MECOM: variants seen among roughly 807,000 people sequenced by gnomAD.
MECOM encodes the protein histone-lysine N-methyltransferase MECOM.
MECOM carries 13 observed loss-of-function variants against 116.3 expected under a neutral mutation model. The ratio of observed to expected loss-of-function variants is 0.11; its 90% CI spans 0.07 to 0.18. The LOEUF (loss-of-function observed/expected upper bound fraction) is 0.18, where lower values mean the gene tolerates loss of function less well. Among genes scored for constraint, MECOM ranks in the 10% least tolerant of loss-of-function variants. The probability of loss-of-function intolerance (pLI) is 1.00; values close to 1 mark genes in which losing one functional copy is unlikely to be tolerated. For synonymous variants in MECOM, 528 were observed against 535.2 expected (o/e 0.99, Z 0.19); for missense variants, 1,299 against 1,509.0 (o/e 0.86, Z 2.31).
At chr3:169,322,790 G>C (rs1039496371) in intron 2 of MECOM, among the ~76,000 whole-genome samples, 1 of 151,794 alleles carries the variant, frequency 6.6e-6, no homozygotes, top group East Asian at 1.9e-4. Flanking sequence ...CTGAGGTCAG[G>C]AGTTCAAGAC....
intron 3 of MECOM, chr3:169,133,966 A>G: frequency 7.8e-7 from 1 of 1,289,256 alleles, no homozygotes; most frequent in South Asian, 1.2e-5. Flanking sequence ...TTCCAACAAC[A>G]TGTTGACATT....
At chr3:169,279,818 G>A (rs1161150633) in intron 2 of MECOM, among the ~76,000 whole-genome samples, 1 of 152,108 alleles carries the variant, frequency 6.6e-6, no homozygotes, top group Non-Finnish European at 1.5e-5. Flanking sequence ...GAATACTGAT[G>A]TTCTAACAGA....
At chr3:169,191,772 AAG>A (rs1559974017) in intron 2 of MECOM, among the ~76,000 whole-genome samples, 1 of 135,464 alleles carries the variant, frequency 7.4e-6, no homozygotes, top group Non-Finnish European at 1.6e-5. Flanking sequence ...GAAAGAAAGA[AAG>A]AAAGAAAGAA....
At chr3:169,656,032 C>A (rs1354320191) in intron 1 of MECOM, among the ~76,000 whole-genome samples, 1 of 152,174 alleles carries the variant, frequency 6.6e-6, no homozygotes, top group East Asian at 1.9e-4. Flanking sequence ...CAGATTCAAA[C>A]ACTGATGTGC....
chr3:169,242,760 TC>T (rs1301060219), intron 2 of MECOM, among the ~76,000 whole-genome samples: 1 of 152,166 alleles, frequency 6.6e-6, no homozygotes, highest in East Asian at 1.9e-4. Context: ...TGGTAGGTTA[TC>T]TTTTCCTTGT....
chr3:169,297,713 T>G (rs1013711769), intron 2 of MECOM, among the ~76,000 whole-genome samples: 1 of 152,188 alleles, frequency 6.6e-6, no homozygotes, highest in Non-Finnish European at 1.5e-5. Flanking sequence ...TCAGCTTAGC[T>G]TAAGAGGAAA....
At chr3:169,365,319 T>G (rs950291067) in intron 2 of MECOM, among the ~76,000 whole-genome samples, 2 of 152,116 alleles carry the variant, frequency 1.3e-5, no homozygotes, top group Admixed American at 6.6e-5. Flanking sequence ...TCATATGATG[T>G]TTAATCTTTA....
intron 2 of MECOM, among the ~76,000 whole-genome samples, chr3:169,287,223 C>T (rs768758242): frequency 1.3e-5 from 2 of 152,186 alleles, no homozygotes; most frequent in Non-Finnish European, 2.9e-5. Flanking sequence ...CCAGGAAACA[C>T]GGATGGAGAG....
chr3:169,483,202 A>ATTTTTT (rs200735642), intron 1 of MECOM, among the ~76,000 whole-genome samples: 8 of 102,992 alleles, frequency 7.8e-5, no homozygotes, highest in Admixed American at 2.1e-4. Context: ...TTTTATTTTT[A>ATTTTTT]TTTTTTTTTT....
chr3:169,410,733 T>A (rs142469727), intron 1 of MECOM, among the ~76,000 whole-genome samples: 1 of 152,116 alleles, frequency 6.6e-6, no homozygotes, highest in African/African-American at 2.4e-5. Flanking sequence ...TTGACGCCTA[T>A]CAAAACACAG....
intron 9 of MECOM, 108 bp downstream of exon 9, chr3:169,112,679 T>C: frequency 1.2e-6 from 1 of 840,900 alleles, no homozygotes; most frequent in Non-Finnish European, 1.9e-6. Context: ...CACACCAGCG[T>C]CATAGGAAAT....
intron 1 of MECOM, among the ~76,000 whole-genome samples, chr3:169,649,965 T>G (rs1367061921): frequency 6.6e-6 from 1 of 152,246 alleles, no homozygotes; most frequent in African/African-American, 2.4e-5. Context: ...TTATTCCATT[T>G]TTGTAACCTT....
intron 16 of MECOM, among the ~76,000 whole-genome samples, chr3:169,087,422 C>T (rs73166180): frequency 0.1 from 15,846 of 151,850 alleles, 1,151 homozygotes; most frequent in South Asian, 0.27. Flanking sequence ...CATAGTGAAA[C>T]CCCATCTCTA....
At chr3:169,274,316 G>A (rs542928352) in intron 2 of MECOM, among the ~76,000 whole-genome samples, 25 of 152,250 alleles carry the variant, frequency 1.6e-4, no homozygotes, top group African/African-American at 5.5e-4. Flanking sequence ...CTTGTTTTAC[G>A]TGATAATGTA....
intron 3 of MECOM, chr3:169,131,973 G>C (rs1269055921): frequency 1.0e-6 from 1 of 993,640 alleles, no homozygotes; most frequent in East Asian, 1.1e-4. Context: ...TGCAAAAGTA[G>C]CGCCTTCTCA....
At chr3:169,350,098 A>G (rs1476026909) in intron 2 of MECOM, among the ~76,000 whole-genome samples, 1 of 152,026 alleles carries the variant, frequency 6.6e-6, no homozygotes, top group East Asian at 1.9e-4. Flanking sequence ...TTCAACATTC[A>G]AAGTTTCAAG....
intron 2 of MECOM, among the ~76,000 whole-genome samples, chr3:169,243,994 G>A (rs1332107135): frequency 1.3e-5 from 2 of 152,154 alleles, no homozygotes; most frequent in African/African-American, 4.8e-5. Context: ...CAAGGCTTCT[G>A]CAAACCTGCC....
intron 12 of MECOM, among the ~76,000 whole-genome samples, chr3:169,097,234 G>A (rs976802296): frequency 6.6e-6 from 1 of 151,664 alleles, no homozygotes; most frequent in Non-Finnish European, 1.5e-5. Flanking sequence ...GCACACAAAG[G>A]GTCTTTTCCA....
chr3:169,204,748 C>A (rs1217081836), intron 2 of MECOM, among the ~76,000 whole-genome samples: 1 of 152,112 alleles, frequency 6.6e-6, no homozygotes, highest in Non-Finnish European at 1.5e-5. Flanking sequence ...CTAGGAATAT[C>A]TTTTATCAAA....
Sources: gnomAD v4.1 joint callset for allele counts (sites outside exome capture counted in the v4.1 genomes callset) on GRCh38, gnomAD v4.1.1 for gene constraint, MANE v1.5 for transcripts, NCBI Gene and HGNC (gene_info 2026-07-23, HGNC 2026-07-21) for gene names.